The following AGBL4 variants were observed in gnomAD, a reference collection of about 807,000 sequenced individuals.
AGBL4 encodes the protein AGBL carboxypeptidase 4.
AGBL4 carries 58 observed loss-of-function variants against 66.4 expected under a neutral mutation model. The ratio of observed to expected loss-of-function variants is 0.87; its 90% confidence interval spans 0.71 to 1.09. AGBL4 has a LOEUF of 1.09. Ranked by LOEUF, AGBL4 falls within the 50% of genes least tolerant of loss-of-function variation. The pLI is 0.00. For synonymous variants in AGBL4, 234 were observed against 222.9 expected, an observed-to-expected ratio of 1.05 and a Z score of -0.44; for missense variants, 579 against 631.0, an observed-to-expected ratio of 0.92 and a Z score of 0.88.
At chr1:48,701,929 C>T (rs1646808452) in intron 6 of AGBL4, among the ~76,000 whole-genome samples, 2 of 152,196 alleles carry the variant, frequency 1.3e-5, no homozygotes, top group African/African-American at 2.4e-5. Flanking sequence ...GAATGTTATA[C>T]TATTGGTATA....
At position 49,081,958 on chromosome 1, in the gene AGBL4, A is replaced by G. The variant is rs768449421; in HGVS notation, c.378-36158T>C. Among the ~76,000 whole-genome samples the G allele has an allele frequency of 4.3e-4, 65 of 152,182 alleles. 1 individual carries two copies. Among genetic ancestry groups the G allele is most frequent in the Non-Finnish European group, 8.7e-4 (59 of 68,036 alleles). On this transcript the variant is annotated intron_variant, in intron 4 of 13. Coordinates refer to ENST00000371839, the MANE Select transcript of AGBL4 (RefSeq NM_032785.4). ...ATTTAAAAAGAAGGCTGGATTTAGG[A>G]GCAACAGTAGATATCATTGCTCCAA... is the stretch of plus-strand genomic sequence containing the variant.
intron 3 of AGBL4, among the ~76,000 whole-genome samples, chr1:49,250,829 C>CTT (rs1651999745): frequency 6.6e-6 from 1 of 152,092 alleles, no homozygotes; most frequent in African/African-American, 2.4e-5. Context: ...AGGAGGAGAA[C>CTT]CCTTGACCAC....
At chr1:48,919,619 C>A (rs368328655) in intron 5 of AGBL4, among the ~76,000 whole-genome samples, 2 of 152,148 alleles carry the variant, frequency 1.3e-5, no homozygotes, top group East Asian at 1.9e-4. Flanking sequence ...TCAACACCAG[C>A]AGTACTGACA....
intron 11 of AGBL4, among the ~76,000 whole-genome samples, chr1:48,574,595 A>C (rs1569850519): frequency 7.2e-6 from 1 of 138,536 alleles, no homozygotes; most frequent in African/African-American, 2.7e-5. Context: ...TCTCCTCTCC[A>C]CTGACTCATG....
At chr1:48,561,892 C>T (rs1644402215) in intron 11 of AGBL4, among the ~76,000 whole-genome samples, 1 of 152,186 alleles carries the variant, frequency 6.6e-6, no homozygotes, top group Non-Finnish European at 1.5e-5. Context: ...TGGGACTTCT[C>T]AGCCTCCATA....
rs144117447 is a variant in AGBL4, at chr1:49,421,904, A to G, written c.283-176040T>C. 2.9e-3 allele frequency among the ~76,000 whole-genome samples: 446 copies of G among 152,208 alleles called. 4 individuals carry two copies. Among genetic ancestry groups the G allele is most frequent in the African/African-American group, 0.01 (434 of 41,534 alleles). On this transcript the variant is annotated intron_variant, in intron 3 of 13. Transcript: ENST00000371839. Reference sequence around the variant, plus strand: ...ACCGTTTGACGCCCACTCCACCTCCAGTTCTATCGATATAGATTCCACATT... The same window carrying G: ...ACCGTTTGACGCCCACTCCACCTCCGGTTCTATCGATATAGATTCCACATT...
At chr1:49,658,897 A>G (rs1646210981) in intron 3 of AGBL4, among the ~76,000 whole-genome samples, 1 of 152,098 alleles carries the variant, frequency 6.6e-6, no homozygotes, top group Admixed American at 6.6e-5. Context: ...ATTAGGAGAT[A>G]TACCTAATGT....
intron 2 of AGBL4, among the ~76,000 whole-genome samples, chr1:49,821,896 A>G (rs1347717159): frequency 6.6e-6 from 1 of 152,220 alleles, no homozygotes; most frequent in Non-Finnish European, 1.5e-5. Context: ...ACAAGTTATC[A>G]ATTCTTTTTT....
At chr1:49,979,177 C>T (rs1422024934) in intron 1 of AGBL4, among the ~76,000 whole-genome samples, 1 of 152,138 alleles carries the variant, frequency 6.6e-6, no homozygotes, top group African/African-American at 2.4e-5. Context: ...AAACTTACAA[C>T]CTGGCCGGGC....
rs554900652 is a variant in AGBL4 at position 48,659,755 on chromosome 1, A to T, written c.724+3397T>A. Among the ~76,000 whole-genome samples the T allele has an allele frequency of 7.2e-5, 11 of 152,294 alleles. 1 individual carries two copies. In the South Asian group the frequency reaches 2.3e-3, roughly 32 times the overall value. ...TTGGTTCACAGTAAGGATTAGAGGA[A>T]CCAGGTACAAAGTGCCTCATGGAGG... On this transcript the variant is annotated intron_variant, in intron 7 of 13. Transcript: ENST00000371839.
intron 6 of AGBL4, among the ~76,000 whole-genome samples, chr1:48,824,938 G>A (rs534796983): frequency 6.6e-6 from 1 of 152,320 alleles, no homozygotes; most frequent in South Asian, 2.1e-4. Context: ...TAACCTTACT[G>A]AGCCTCAGTT....
chr1:48,867,107 G>A (rs1457080267), intron 6 of AGBL4, 84 bp downstream of exon 6: 11 of 1,466,388 alleles, frequency 7.5e-6, no homozygotes, highest in Non-Finnish European at 9.5e-6. Context: ...AAAAGAGAAG[G>A]GCAAGAATTG....
At chr1:50,004,759 C>G (rs1477748181) in intron 1 of AGBL4, among the ~76,000 whole-genome samples, 1 of 152,138 alleles carries the variant, frequency 6.6e-6, no homozygotes, top group Non-Finnish European at 1.5e-5. Context: ...CCTGAATAAT[C>G]AGCAACTGTA....
intron 1 of AGBL4, among the ~76,000 whole-genome samples, chr1:49,877,732 T>G (rs1647063561): frequency 6.6e-6 from 1 of 151,524 alleles, no homozygotes; most frequent in Middle Eastern, 3.2e-3. Flanking sequence ...TCAGAAGGAA[T>G]GGTACCAGTT....
At chr1:49,268,409 A>AAC (rs66639251) in intron 3 of AGBL4, 20,882 of 132,512 alleles carry the variant, frequency 0.16, 1,791 homozygotes, top group East Asian at 0.36. Flanking sequence ...TTTTTTTTTA[A>AAC]ACACACACAC....
chr1:49,111,407 T>C (rs763430602), intron 4 of AGBL4, among the ~76,000 whole-genome samples: 4 of 152,228 alleles, frequency 2.6e-5, no homozygotes, highest in South Asian at 4.1e-4. Flanking sequence ...CCACCGCACC[T>C]GGCCCAATTC....
intron 3 of AGBL4, among the ~76,000 whole-genome samples, chr1:49,618,693 CTGA>C (rs1342750773): frequency 6.6e-6 from 1 of 152,126 alleles, no homozygotes. Context: ...GCCAATATAC[CTGA>C]TGAACATCAA....
chr1:49,516,783 T>C (rs1358660935), intron 3 of AGBL4, among the ~76,000 whole-genome samples: 1 of 152,030 alleles, frequency 6.6e-6, no homozygotes, highest in Non-Finnish European at 1.5e-5. Flanking sequence ...GTAATCCAAT[T>C]TAGATTTTCA....
chr1:49,093,637 TTGAC>T, intron 4 of AGBL4, among the ~76,000 whole-genome samples: 1 of 152,292 alleles, frequency 6.6e-6, no homozygotes, highest in South Asian at 2.1e-4. Context: ...AAGGTAGTAT[TTGAC>T]TGTTACAGCA....
Sources: gnomAD v4.1 joint callset for allele counts (sites outside exome capture counted in the v4.1 genomes callset) on GRCh38, gnomAD v4.1.1 for gene constraint, MANE v1.5 for transcripts, NCBI Gene and HGNC (gene_info 2026-07-23, HGNC 2026-07-21) for gene names.